Variants in GPD2 observed in about 807,000 individuals in gnomAD.
GPD2 encodes the protein glycerol-3-phosphate dehydrogenase 2.
In GPD2, 54 loss-of-function variants were observed where a neutral mutation model predicts 82.4. That is an observed-to-expected ratio of 0.66 (90% CI 0.53 to 0.82). The LOEUF (loss-of-function observed/expected upper bound fraction) is 0.82, where lower values mean the gene tolerates loss of function less well. Ranked by LOEUF, GPD2 falls within the 40% of genes least tolerant of loss-of-function variation. The probability of loss-of-function intolerance (pLI) is 0.00; values close to 1 mark genes in which losing one functional copy is unlikely to be tolerated. For synonymous variants in GPD2, 288 were observed against 306.1 expected, an observed-to-expected ratio of 0.94 and a Z score of 0.62; for missense variants, 748 against 896.2, an observed-to-expected ratio of 0.83 and a Z score of 2.11.
chr2:156,401,538 CA>C, the GPD2 span, among the ~76,000 whole-genome samples: 1 of 152,168 alleles, frequency 6.6e-6, no homozygotes, highest in Non-Finnish European at 1.5e-5. Flanking sequence ...AACCCCCTGC[CA>C]TTTTTTTCTT....
intron 3 of GPD2, among the ~76,000 whole-genome samples, chr2:156,503,014 A>T (rs13396538): frequency 0.28 from 42,502 of 151,890 alleles, 6,385 homozygotes; most frequent in East Asian, 0.58. Flanking sequence ...AGTAATGACC[A>T]TGAGAGACTT....
chr2:156,566,651 A>G (rs1687402375), intron 9 of GPD2, among the ~76,000 whole-genome samples: 2 of 152,032 alleles, frequency 1.3e-5, no homozygotes, highest in African/African-American at 4.8e-5. Context: ...CCTTTTGGCT[A>G]TTGTTAGTAA....
At chr2:156,450,681 T>TTTTTAATTGATCATTCTTGGG (rs1682523573) in intron 1 of GPD2, among the ~76,000 whole-genome samples, 1 of 58,656 alleles carries the variant, frequency 1.7e-5, no homozygotes, top group Admixed American at 2.2e-4. Flanking sequence ...TTTTTTTTTT[T>TTTTTAATTGATCATTCTTGGG]TATTGCTCAT....
the GPD2 span, among the ~76,000 whole-genome samples, chr2:156,425,615 T>C: frequency 6.6e-6 from 1 of 152,214 alleles, no homozygotes; most frequent in African/African-American, 2.4e-5. Flanking sequence ...GCAGACTTTA[T>C]ATTACATCGC....
intron 1 of GPD2, among the ~76,000 whole-genome samples, chr2:156,445,637 A>G (rs999241954): frequency 1.1e-4 from 17 of 152,210 alleles, no homozygotes; most frequent in Admixed American, 9.2e-4. Flanking sequence ...TTCTACTCCT[A>G]TACTTGGGTT....
chr2:156,516,922 G>A (rs891897512), intron 6 of GPD2, among the ~76,000 whole-genome samples: 5 of 152,318 alleles, frequency 3.3e-5, no homozygotes, highest in Admixed American at 1.3e-4. Flanking sequence ...AGATCTGTAA[G>A]GTATCTTCAA....
intron 6 of GPD2, among the ~76,000 whole-genome samples, chr2:156,531,449 G>C (rs572799536): frequency 6.6e-6 from 1 of 152,348 alleles, no homozygotes; most frequent in East Asian, 1.9e-4. Flanking sequence ...CTGCACATCA[G>C]CACTGGCCCT....
At chr2:156,489,687 TCTTCCTTC>T (rs143845551) in intron 2 of GPD2, among the ~76,000 whole-genome samples, 62,514 of 108,790 alleles carry the variant, frequency 0.57, 18,050 homozygotes, top group East Asian at 0.81. Context: ...TTTCCTTCCT[TCTTCCTTC>T]CTTCCTTCCT....
the GPD2 span, among the ~76,000 whole-genome samples, chr2:156,402,073 A>C: frequency 2.6e-5 from 4 of 152,234 alleles, no homozygotes; most frequent in Non-Finnish European, 5.9e-5. Context: ...TAAGTACACT[A>C]CACATGGACT....
At chr2:156,505,988 T>A (rs1055459835) in intron 3 of GPD2, among the ~76,000 whole-genome samples, 4 of 152,206 alleles carry the variant, frequency 2.6e-5, no homozygotes, top group African/African-American at 9.7e-5. Context: ...AAAAGGCTTT[T>A]AAAAATGTTA....
At chr2:156,570,885 T>C (rs1456936666) in intron 12 of GPD2, among the ~76,000 whole-genome samples, 2 of 152,188 alleles carry the variant, frequency 1.3e-5, no homozygotes, top group Non-Finnish European at 2.9e-5. Flanking sequence ...TGCATGTTTA[T>C]GCCAGGTTCT....
At chr2:156,431,633 C>T (rs973646308), upstream of GPD2, among the ~76,000 whole-genome samples, 2 of 152,026 alleles carry the variant, frequency 1.3e-5, no homozygotes, top group Admixed American at 6.6e-5. Flanking sequence ...GTTCCTGTTA[C>T]ATACTCTAAT....
Position 156,489,172 on chromosome 2 carries a change from C to G in GPD2, c.103-6872C>G, listed in dbSNP as rs1229319683. 4.6e-5 allele frequency among the ~76,000 whole-genome samples: 7 copies of G among 152,146 alleles called. No homozygotes were observed. In the East Asian group the frequency reaches 1.3e-3, roughly 29 times the overall value. On this transcript the variant is annotated intron_variant, in intron 2 of 16. Transcript: ENST00000438166. ...AAGTGTGAAGCCAGTGAGCAGGAAT[C>G]CTGGACTAACAAGAGTGCACAAGCC...
chr2:156,487,762 C>T (rs1465937189), intron 2 of GPD2, among the ~76,000 whole-genome samples: 3 of 152,186 alleles, frequency 2.0e-5, no homozygotes, highest in Non-Finnish European at 4.4e-5. Flanking sequence ...GGTTCTCTGA[C>T]TTTCAGTGAG....
At chr2:156,423,103 G>T in the GPD2 span, among the ~76,000 whole-genome samples, 2 of 152,178 alleles carry the variant, frequency 1.3e-5, no homozygotes, top group Non-Finnish European at 2.9e-5. Flanking sequence ...TAGATGAGGA[G>T]ACTGATGCTC....
chr2:156,557,291 G>A, intron 8 of GPD2, 98 bp from the exon 9 acceptor site: 1 of 797,030 alleles, frequency 1.3e-6, no homozygotes, highest in Non-Finnish European at 2.2e-6. Flanking sequence ...TTTCTTGTTT[G>A]CATATTTGAG....
intron 1 of GPD2, among the ~76,000 whole-genome samples, chr2:156,463,269 A>G (rs962245159): frequency 2.0e-5 from 3 of 152,190 alleles, no homozygotes; most frequent in Non-Finnish European, 4.4e-5. Flanking sequence ...TTTTAATCCA[A>G]AAGAATACAG....
the GPD2 span, among the ~76,000 whole-genome samples, chr2:156,413,721 A>C: frequency 1.3e-5 from 2 of 151,496 alleles, no homozygotes; most frequent in African/African-American, 4.9e-5. Flanking sequence ...CCTGGCCAAC[A>C]AGGTGAGACC....
chr2:156,540,073 T>C (rs559047663), intron 6 of GPD2, among the ~76,000 whole-genome samples: 1 of 152,106 alleles, frequency 6.6e-6, no homozygotes, highest in Non-Finnish European at 1.5e-5. Flanking sequence ...GATAGGACAT[T>C]GAGCAGCAGG....
Sources: gnomAD v4.1 joint callset for allele counts (sites outside exome capture counted in the v4.1 genomes callset) on GRCh38, gnomAD v4.1.1 for gene constraint, MANE v1.5 for transcripts, NCBI Gene and HGNC (gene_info 2026-07-23, HGNC 2026-07-21) for gene names.